The following ABHD2 variants were observed in gnomAD, a reference collection of about 807,000 sequenced individuals.
The protein encoded by ABHD2 is abhydrolase domain containing 2, acylglycerol lipase, also known as monoacylglycerol lipase ABHD2.
In ABHD2, 20 loss-of-function variants were observed where a neutral mutation model predicts 48.1. The ratio of observed to expected loss-of-function variants is 0.42; its 90% confidence interval spans 0.29 to 0.60. The LOEUF is 0.60. Among genes scored for constraint, ABHD2 ranks in the 20% least tolerant of loss-of-function variants. ABHD2 has a pLI of 0.24. For missense variants in ABHD2, 405 were observed against 550.9 expected (o/e 0.74, Z 2.65); for synonymous variants, 209 against 214.2 (o/e 0.98, Z 0.21).
chr15:89,160,867 A>G (rs924792676), intron 5 of ABHD2, among the ~76,000 whole-genome samples: 1 of 152,190 alleles, frequency 6.6e-6, no homozygotes, highest in Non-Finnish European at 1.5e-5. Context: ...GGTGGGGGAG[A>G]AGCATCCTTC....
At chr15:89,085,361 A>C (rs143313952), upstream of ABHD2, among the ~76,000 whole-genome samples, 42 of 152,198 alleles carry the variant, frequency 2.8e-4, no homozygotes, top group Non-Finnish European at 5.9e-4. The surrounding 1 kb of genome is among the most constrained non-coding windows in gnomAD (Gnocchi z 4.2). Flanking sequence ...GGCAAAAATA[A>C]GTCCATTTTG....
the ABHD2 span, among the ~76,000 whole-genome samples, chr15:89,053,288 C>T: frequency 6.6e-6 from 1 of 152,108 alleles, no homozygotes; most frequent in Non-Finnish European, 1.5e-5. Flanking sequence ...TGATTTTCTG[C>T]TCTGTCACAG....
At chr15:89,042,515 G>A in the ABHD2 span, among the ~76,000 whole-genome samples, 2 of 151,756 alleles carry the variant, frequency 1.3e-5, no homozygotes, top group African/African-American at 4.8e-5. Context: ...AAGATTTCCT[G>A]TCCTGGTTAC....
the ABHD2 span, among the ~76,000 whole-genome samples, chr15:89,050,286 G>A: frequency 1.3e-5 from 2 of 152,236 alleles, no homozygotes; most frequent in South Asian, 4.1e-4. Flanking sequence ...GATGGAATTT[G>A]CCGAGACTCT....
chr15:89,147,441 C>T (rs2050512473), intron 3 of ABHD2, among the ~76,000 whole-genome samples: 1 of 150,036 alleles, frequency 6.7e-6, no homozygotes, highest in African/African-American at 2.5e-5. Flanking sequence ...GCAAGCTCCG[C>T]CTCCCAGGTT....
chr15:89,122,406 C>T (rs1256678681), intron 3 of ABHD2, among the ~76,000 whole-genome samples: 2 of 152,190 alleles, frequency 1.3e-5, no homozygotes, highest in Admixed American at 6.5e-5. Context: ...TCTTGTTTTC[C>T]ATAAACAGGT....
chr15:89,144,678 G>A (rs1231459528), intron 3 of ABHD2, among the ~76,000 whole-genome samples: 2 of 152,162 alleles, frequency 1.3e-5, no homozygotes, highest in Non-Finnish European at 2.9e-5. Flanking sequence ...GGTTGCCAGG[G>A]AATGGGAGAC....
At chr15:89,145,759 G>A (rs1467584094) in intron 3 of ABHD2, among the ~76,000 whole-genome samples, 1 of 152,198 alleles carries the variant, frequency 6.6e-6, no homozygotes, top group African/African-American at 2.4e-5. Context: ...GTACTCCTGG[G>A]ACATTGACCT....
At position 89,200,436 on chromosome 15, in the gene ABHD2, C is replaced by T. The variant is rs1299677710; in HGVS notation, c.*5013C>T. On this transcript the variant is annotated 3_prime_UTR_variant, in exon 11 of 11. Transcript: ENST00000352732. ...TCCTCACTTCCCAGATGGGGCGGCT[C>T]CCGGGAAGCGGGGCTCCTCACTTCC... 6.6e-6 allele frequency: 1 copy of T among 150,872 alleles called. No individual in the cohort carries two copies. Among genetic ancestry groups the T allele is most frequent in the Non-Finnish European group, 1.5e-5 (1 of 68,128 alleles). The allele number at this position is 150,872 out of a possible 1,614,324, so 9.3% of individuals were successfully genotyped here.
At chr15:89,141,829 G>T (rs557801217) in intron 3 of ABHD2, among the ~76,000 whole-genome samples, 51 of 152,238 alleles carry the variant, frequency 3.4e-4, no homozygotes, top group African/African-American at 1.0e-3. Context: ...TATCTACCAG[G>T]GTTCTCCGTG....
chr15:89,113,176 T>A (rs760298809), intron 1 of ABHD2, among the ~76,000 whole-genome samples: 7 of 152,206 alleles, frequency 4.6e-5, no homozygotes, highest in Non-Finnish European at 1.0e-4. Flanking sequence ...CTGGCCATAG[T>A]CTGAACTCAG....
chr15:89,195,192 G>A lies in ABHD2; in HGVS notation c.1082-35G>A, dbSNP rs199801204. On this transcript the variant is annotated intron_variant, in intron 10 of 10. Transcript: ENST00000352732. The surrounding 1 kb of genome is among the most constrained non-coding windows in gnomAD (Gnocchi z 5.1). ...ACCTCCTGTCCTGGAGCAAACTAGAGAACAGTAACTCACTCAGCTGCGTTT... is the reference window on the plus strand; with the variant it reads ...ACCTCCTGTCCTGGAGCAAACTAGAAAACAGTAACTCACTCAGCTGCGTTT... 41 of 1,597,770 alleles carry A rather than the reference G, an allele frequency of 2.6e-5. No individual in the cohort carries two copies. The East Asian group carries it at 8.3e-4, about 32-fold the overall frequency.
chr15:89,161,993 T>G (rs1300485690), intron 5 of ABHD2, among the ~76,000 whole-genome samples: 2 of 152,226 alleles, frequency 1.3e-5, no homozygotes, highest in East Asian at 3.9e-4. Context: ...TACAGTCACC[T>G]GTGTCTCTGG....
Position 89,200,551 on chromosome 15 carries a change from C to T in ABHD2, c.*5128C>T, listed in dbSNP as rs2051456103. The T allele has an allele frequency of 6.5e-6, 1 of 152,876 alleles. No homozygotes were observed. Among genetic ancestry groups the T allele is most frequent in the African/African-American group, 2.4e-5 (1 of 41,436 alleles). 9.5% of individuals were successfully genotyped at this position (152,876 alleles called of 1,614,324 possible). A position where few individuals can be genotyped will look rare whatever the true frequency, so the allele number is the denominator to read the frequency against. On this transcript the variant is annotated 3_prime_UTR_variant, in exon 11 of 11. Coordinates refer to ENST00000352732, the MANE Select transcript of ABHD2 (RefSeq NM_152924.5). Reference sequence around the variant, plus strand: ...AGGACTGAAGTGCAACTGAAAGCTGCTAGTGATGATCTGGTAATATACAAT... The same window carrying T: ...AGGACTGAAGTGCAACTGAAAGCTGTTAGTGATGATCTGGTAATATACAAT...
chr15:89,119,731 A>T (rs973206925), intron 3 of ABHD2, among the ~76,000 whole-genome samples: 2 of 152,088 alleles, frequency 1.3e-5, no homozygotes, highest in African/African-American at 4.8e-5. Context: ...CCCCTGGGTG[A>T]CCTTTGATTC....
chr15:89,166,705 C>T lies in ABHD2; in HGVS notation c.539-9107C>T, dbSNP rs555369727. 2.1e-4 allele frequency among the ~76,000 whole-genome samples: 32 copies of T among 152,082 alleles called. No homozygotes were observed. Among genetic ancestry groups the T allele is most frequent in the South Asian group, 1.5e-3 (7 of 4,802 alleles). ...GCATGGTGGCTCATGTCTGTAGTCC[C>T]GGCTACTCTAGAAGCGCTGTGCCCA... On this transcript the variant is annotated intron_variant, in intron 5 of 10. Transcript: ENST00000352732. This position sits in a 1 kb window ranked among gnomAD's most constrained non-coding sequence, Gnocchi z 4.6.
At chr15:89,125,719 G>A (rs891086665) in intron 3 of ABHD2, among the ~76,000 whole-genome samples, 2 of 152,168 alleles carry the variant, frequency 1.3e-5, no homozygotes, top group Non-Finnish European at 2.9e-5. Flanking sequence ...CTTGGATGTT[G>A]CCTGCCTGCC....
chr15:89,117,077 G>A (rs1334241510), intron 3 of ABHD2, among the ~76,000 whole-genome samples: 6 of 152,178 alleles, frequency 3.9e-5, no homozygotes. Context: ...TCAGGCTGGA[G>A]TACAGTGGCA....
Position 89,182,954 on chromosome 15 carries a change from C to T in ABHD2, c.723-2470C>T, listed in dbSNP as rs2051137622. 6.6e-6 allele frequency among the ~76,000 whole-genome samples: 1 copy of T among 152,262 alleles called. No homozygotes were observed. The highest frequency in any genetic ancestry group is 2.1e-4 in the South Asian group (1 of 4,832). The stretch of plus-strand genomic sequence containing the variant: ...CTCCAATAACATGAATTCATACCCC[C>T]ATCTTGTTTCCTCTACACCTATCCA... On this transcript the variant is annotated intron_variant, in intron 6 of 10. Transcript: ENST00000352732. This position sits in a 1 kb window ranked among gnomAD's most constrained non-coding sequence, Gnocchi z 4.8.
Sources: allele counts gnomAD v4.1 joint callset (sites outside exome capture counted in the v4.1 genomes callset), GRCh38; gene constraint gnomAD v4.1.1; non-coding constraint Gnocchi (gnomAD v3.1); transcripts MANE v1.5; gene names NCBI Gene and HGNC (gene_info 2026-07-23, HGNC 2026-07-21).